Variants in TCF12 observed in about 807,000 individuals in gnomAD.
TCF12 encodes the protein DNA-binding protein HTF4.
A neutral mutation model predicts 86.0 loss-of-function variants in TCF12; 45 were observed. The observed-to-expected ratio is 0.52, with a 90% CI of 0.41 to 0.67. The LOEUF (loss-of-function observed/expected upper bound fraction) is 0.67, where lower values mean the gene tolerates loss of function less well. Ranked by LOEUF, TCF12 falls within the 30% of genes least tolerant of loss-of-function variation. The pLI is 0.00. For missense variants in TCF12, 881 were observed against 859.9 expected, an observed-to-expected ratio of 1.02 and a Z score of -0.31; for synonymous variants, 330 against 299.6, an observed-to-expected ratio of 1.10 and a Z score of -1.05.
In TCF12 at chr15:56,930,342, G is replaced by T. The variant is rs550051154; in HGVS notation, c.148+9244G>T. On this transcript the variant is annotated intron_variant, in intron 3 of 20. Coordinates refer to ENST00000333725, the MANE Select transcript of TCF12 (RefSeq NM_207037.2). The stretch of plus-strand genomic sequence containing the variant: ...AGTAGCGTGGTTTGACCACAGGTCA[G>T]TTTAGAAAATCTGAGCTTATATGGG... Among the ~76,000 whole-genome samples, 8 of 152,346 alleles carry T rather than the reference G, an allele frequency of 5.3e-5. No individual in the cohort carries two copies. The South Asian group carries it at 8.3e-4, about 16-fold the overall frequency.
chr15:57,220,988 G>C (rs1475547682), intron 8 of TCF12, among the ~76,000 whole-genome samples: 1 of 152,094 alleles, frequency 6.6e-6, no homozygotes, highest in African/African-American at 2.4e-5. Context: ...ATTAGATATG[G>C]TTGTCTCTTC....
chr15:57,242,232 C>A (rs2059665906), intron 12 of TCF12, among the ~76,000 whole-genome samples: 1 of 152,024 alleles, frequency 6.6e-6, no homozygotes, highest in African/African-American at 2.4e-5. Context: ...AGTAGTTTTC[C>A]TTTTTAAAAT....
At chr15:57,032,529 A>G (rs908274331) in intron 3 of TCF12, among the ~76,000 whole-genome samples, 4 of 152,208 alleles carry the variant, frequency 2.6e-5, no homozygotes, top group Non-Finnish European at 5.9e-5. Context: ...CCCATGCTCA[A>G]GTGATCCTCC....
intron 3 of TCF12, among the ~76,000 whole-genome samples, chr15:56,992,179 G>C (rs2063493201): frequency 6.6e-6 from 1 of 152,202 alleles, no homozygotes; most frequent in East Asian, 1.9e-4. Flanking sequence ...GCTGAGGTGG[G>C]AGGATGATGT....
intron 3 of TCF12, among the ~76,000 whole-genome samples, chr15:57,007,820 T>TCTCTCTCTC (rs1567242033): frequency 8.1e-6 from 1 of 123,222 alleles, no homozygotes; most frequent in African/African-American, 3.0e-5. Context: ...CTTTCTTTCT[T>TCTCTCTCTC]TTTCTTTCTT....
At position 57,090,371 on chromosome 15, in the gene TCF12, G is replaced by T. The variant is rs1160881686; in HGVS notation, c.223-1418G>T. On this transcript the variant is annotated intron_variant, in intron 4 of 20. Coordinates refer to ENST00000333725, the MANE Select transcript of TCF12 (RefSeq NM_207037.2). ...TACCAGAGAACACTTGTGGTCATAAGTTGTGAATGGCACCCAGATTCTTCT... is the reference window on the plus strand; with the variant it reads ...TACCAGAGAACACTTGTGGTCATAATTTGTGAATGGCACCCAGATTCTTCT... Among the ~76,000 whole-genome samples the T allele has an allele frequency of 7.9e-5, 12 of 152,192 alleles. 1 individual carries two copies. The highest frequency in any genetic ancestry group is 5.2e-4 in the Admixed American group (8 of 15,276).
intron 19 of TCF12, among the ~76,000 whole-genome samples, 170 bp downstream of exon 19, chr15:57,273,432 C>A (rs2061238020): frequency 6.7e-6 from 1 of 149,800 alleles, no homozygotes; most frequent in Non-Finnish European, 1.5e-5. Context: ...CTCACTGTAT[C>A]ACCCAATATC....
At chr15:56,994,822 C>G (rs1171241214) in intron 3 of TCF12, among the ~76,000 whole-genome samples, 1 of 151,994 alleles carries the variant, frequency 6.6e-6, no homozygotes, top group African/African-American at 2.4e-5. Context: ...AAAAGATGTT[C>G]TTAAGACAAA....
At chr15:57,222,145 T>A (rs1219639520) in intron 8 of TCF12, among the ~76,000 whole-genome samples, 1 of 151,828 alleles carries the variant, frequency 6.6e-6, no homozygotes, top group Non-Finnish European at 1.5e-5. Context: ...ATTTTTAACA[T>A]CCCATTTCAG....
intron 5 of TCF12, among the ~76,000 whole-genome samples, chr15:57,100,470 C>T (rs1400613531): frequency 1.4e-5 from 2 of 147,772 alleles, no homozygotes; most frequent in African/African-American, 5.0e-5. Flanking sequence ...GCTGTGTTGG[C>T]CAGATTGGTC....
intron 5 of TCF12, among the ~76,000 whole-genome samples, chr15:57,132,642 A>C (rs1307254491): frequency 6.6e-5 from 10 of 152,206 alleles, no homozygotes; most frequent in African/African-American, 2.4e-4. Flanking sequence ...TTCTTGTCCC[A>C]CCAAGGATTT....
chr15:57,201,580 A>G (rs546487241), intron 8 of TCF12, among the ~76,000 whole-genome samples: 46 of 152,256 alleles, frequency 3.0e-4, no homozygotes, highest in African/African-American at 1.1e-3. Context: ...CTCCAGAGGT[A>G]GATTGAGTGG....
intron 4 of TCF12, among the ~76,000 whole-genome samples, chr15:57,080,484 GA>G (rs1308558360): frequency 6.6e-6 from 1 of 152,142 alleles, no homozygotes; most frequent in Non-Finnish European, 1.5e-5. Flanking sequence ...TGAGGAAGGG[GA>G]TAATAGGTCT....
At chr15:57,151,708 T>C (rs1309155300) in intron 5 of TCF12, among the ~76,000 whole-genome samples, 2 of 151,482 alleles carry the variant, frequency 1.3e-5, no homozygotes, top group Admixed American at 6.6e-5. Flanking sequence ...GAGGTTGCAG[T>C]GAGCCGAGAT....
intron 4 of TCF12, among the ~76,000 whole-genome samples, chr15:57,072,363 G>A (rs2069477018): frequency 6.6e-6 from 1 of 152,186 alleles, no homozygotes; most frequent in South Asian, 2.1e-4. Flanking sequence ...CAGATTGTTT[G>A]ATTTTGATAA....
At chr15:57,054,935 C>T (rs1048437484) in intron 3 of TCF12, among the ~76,000 whole-genome samples, 2 of 151,798 alleles carry the variant, frequency 1.3e-5, no homozygotes, top group African/African-American at 4.8e-5. Flanking sequence ...TTCCTTTATG[C>T]TATAGTTATC....
intron 19 of TCF12, 69 bp from the exon 20 acceptor site, chr15:57,282,375 AT>A: frequency 6.3e-7 from 1 of 1,583,626 alleles, no homozygotes; most frequent in South Asian, 1.1e-5. Context: ...AACAACAGCA[AT>A]TTGTTCAGCT....
rs184609266 is a variant in TCF12 at position 56,940,053 on chromosome 15, T to G, written c.148+18955T>G. On this transcript the variant is annotated intron_variant, in intron 3 of 20. Transcript: ENST00000333725. ...GAGACTGAGGGGAAAATGGCTTGTG[T>G]GATTCTGGGATTCATTGGCTAGAGG... 4.0e-5 allele frequency among the ~76,000 whole-genome samples: 6 copies of G among 149,140 alleles called. No homozygotes were observed. The East Asian group carries it at 1.2e-3, about 29-fold the overall frequency.
chr15:57,014,589 A>G (rs1388746884), intron 3 of TCF12, among the ~76,000 whole-genome samples: 2 of 152,058 alleles, frequency 1.3e-5, no homozygotes, highest in African/African-American at 4.8e-5. Flanking sequence ...TATTTTGAAA[A>G]TTCCTGGGCA....
Sources: gnomAD v4.1 joint callset for allele counts (sites outside exome capture counted in the v4.1 genomes callset) on GRCh38, gnomAD v4.1.1 for gene constraint, MANE v1.5 for transcripts, NCBI Gene and HGNC (gene_info 2026-07-23, HGNC 2026-07-21) for gene names.